Variants in TNRC6A observed in about 807,000 individuals in gnomAD.
The protein encoded by TNRC6A is trinucleotide repeat containing adaptor 6A.
TNRC6A carries 44 observed loss-of-function variants against 221.2 expected under a neutral mutation model. The ratio of observed to expected loss-of-function variants is 0.20; its 90% CI spans 0.16 to 0.26. The LOEUF is 0.26. Ranked by LOEUF, TNRC6A falls within the 10% of genes least tolerant of loss-of-function variation. The probability of loss-of-function intolerance (pLI) is 1.00; values close to 1 mark genes in which losing one functional copy is unlikely to be tolerated. For synonymous variants in TNRC6A, 847 were observed against 838.5 expected, an observed-to-expected ratio of 1.01 and a Z score of -0.18; for missense variants, 2,199 against 2,404.4, an observed-to-expected ratio of 0.91 and a Z score of 1.79.
At chr16:24,620,732 G>A (rs927946506) in intron 1 of TNRC6A, among the ~76,000 whole-genome samples, 8 of 151,938 alleles carry the variant, frequency 5.3e-5, no homozygotes, top group South Asian at 4.2e-4. Context: ...CACTTGAACC[G>A]GGGAGGCAGA....
chr16:24,790,810 G>A lies in TNRC6A; in HGVS notation c.2168G>A (p.Trp723Ter), dbSNP rs766537301. 1 of 1,614,124 alleles carries A rather than the reference G, an allele frequency of 6.2e-7. No individual in the cohort carries two copies. Among genetic ancestry groups the A allele is most frequent in the Non-Finnish European group, 8.5e-7 (1 of 1,180,028 alleles). ...LDPRVLSNSG[W>*]GQTPIKQNTA... ...CCACGTGTCCTGTCCAACTCTGGTT[G>A]GGGACAGACTCCTATTAAGCAGAAT... Residue 723 changes from tryptophan to a stop codon, truncating the protein, a stop_gained, in exon 6 of 25, where the codon TGG becomes TAG. Coordinates refer to ENST00000395799, the MANE Select transcript of TNRC6A (RefSeq NM_014494.4). LOFTEE classifies it high-confidence loss of function.
intron 5 of TNRC6A, among the ~76,000 whole-genome samples, chr16:24,779,229 A>G (rs1187708069): frequency 6.6e-6 from 1 of 152,200 alleles, no homozygotes; most frequent in East Asian, 1.9e-4. Flanking sequence ...GAATTTTACT[A>G]GGGTGGACTG....
intron 11 of TNRC6A, among the ~76,000 whole-genome samples, chr16:24,799,641 C>T (rs1206941345): frequency 2.6e-5 from 4 of 152,146 alleles, no homozygotes; most frequent in African/African-American, 9.7e-5. Flanking sequence ...TTAACACATC[C>T]ATATGAGAAA....
At chr16:24,667,387 C>A (rs2055194816) in intron 2 of TNRC6A, among the ~76,000 whole-genome samples, 1 of 152,222 alleles carries the variant, frequency 6.6e-6, no homozygotes, top group Non-Finnish European at 1.5e-5. Flanking sequence ...AGGAAACTGA[C>A]AAGGCCTCTT....
chr16:24,630,024 T>A (rs1369639651), intron 1 of TNRC6A, among the ~76,000 whole-genome samples: 1 of 152,072 alleles, frequency 6.6e-6, no homozygotes, highest in Admixed American at 6.6e-5. Context: ...CATTTTTAAG[T>A]GTCCTACATA....
At chr16:24,812,980 A>ACC (rs199587465) in intron 18 of TNRC6A, among the ~76,000 whole-genome samples, 2 of 142,918 alleles carry the variant, frequency 1.4e-5, no homozygotes, top group African/African-American at 5.3e-5. Context: ...GACTCAGATG[A>ACC]CCCCCCCACC....
chr16:24,746,389 G>A (rs1402435168), intron 2 of TNRC6A, among the ~76,000 whole-genome samples: 1 of 152,162 alleles, frequency 6.6e-6, no homozygotes, highest in Admixed American at 6.5e-5. Context: ...CCAGCTCGGG[G>A]CAACTGAGTG....
upstream of TNRC6A, among the ~76,000 whole-genome samples, chr16:24,726,435 G>C (rs1382348367): frequency 6.6e-6 from 1 of 151,192 alleles, no homozygotes; most frequent in Non-Finnish European, 1.5e-5. Context: ...GCCTAGCAAA[G>C]AGATTCTCTT....
intron 2 of TNRC6A, among the ~76,000 whole-genome samples, chr16:24,694,383 C>T (rs1440191881): frequency 6.6e-6 from 1 of 152,054 alleles, no homozygotes; most frequent in African/African-American, 2.4e-5. Flanking sequence ...TTGCTGGGCG[C>T]GGTGGCTCAC....
intron 3 of TNRC6A, among the ~76,000 whole-genome samples, chr16:24,754,211 T>G (rs541599828): frequency 6.6e-6 from 1 of 152,308 alleles, no homozygotes; most frequent in South Asian, 2.1e-4. Context: ...AAAAGCCAGA[T>G]AACACAACTT....
At chr16:24,687,878 A>AAGAAGAAGAAGAAGAAGAAGC (rs1567357134) in intron 2 of TNRC6A, among the ~76,000 whole-genome samples, 1 of 150,046 alleles carries the variant, frequency 6.7e-6, no homozygotes. Context: ...GAAGAAGAAG[A>AAGAAGAAGAAGAAGAAGAAGC]AGAAGCAGCT....
intron 22 of TNRC6A, among the ~76,000 whole-genome samples, chr16:24,821,276 G>A (rs868067869): frequency 7.2e-5 from 11 of 152,308 alleles, no homozygotes; most frequent in East Asian, 1.9e-4. Flanking sequence ...AGCACACAGC[G>A]AGGGGCGCTA....
chr16:24,669,149 G>T (rs2141981082), intron 2 of TNRC6A, among the ~76,000 whole-genome samples: 1 of 152,182 alleles, frequency 6.6e-6, no homozygotes, highest in African/African-American at 2.4e-5. Context: ...AAAATAGAGA[G>T]GGGAAACTTG....
chr16:24,737,413 T>C (rs1188466631), intron 2 of TNRC6A, among the ~76,000 whole-genome samples: 3 of 152,236 alleles, frequency 2.0e-5, no homozygotes. Context: ...CTATTTAAGA[T>C]GTCTTATTTT....
At chr16:24,788,680 G>A (rs570365911) in intron 5 of TNRC6A, among the ~76,000 whole-genome samples, 217 of 137,852 alleles carry the variant, frequency 1.6e-3, no homozygotes, top group African/African-American at 5.7e-3. Flanking sequence ...ACGGAGTCTC[G>A]CTCTGTCACC....
rs1205695830 is a variant in TNRC6A at position 24,790,529 on chromosome 16, T to C, written c.1887T>C (p.Ser629=). The part of the protein sequence containing the change: ...KLPSNQHSND[S]ANGNGKTFTN... ...CTAGCAATCAGCATTCCAATGATAG[T>C]GCAAATGGCAATGGTAAGACGTTTA... Residue 629 remains serine (S), a synonymous_variant, in exon 6 of 25, where the codon AGT becomes AGC. Coordinates refer to ENST00000395799, the MANE Select transcript of TNRC6A (RefSeq NM_014494.4). 4 of 1,614,100 alleles carry C rather than the reference T, an allele frequency of 2.5e-6. No individual in the cohort carries two copies. The highest frequency in any genetic ancestry group is 3.4e-6 in the Non-Finnish European group (4 of 1,180,048).
chr16:24,675,690 CTCTCTCTCTCTCTATATATATATATA>C lies in TNRC6A; in HGVS notation n.402+34683_402+34708del, dbSNP rs1383272168. Among the ~76,000 whole-genome samples, 724 of 86,992 alleles carry C rather than the reference CTCTCTCTCTCTCTATATATATATATA, an allele frequency of 8.3e-3. 4 individuals are homozygous for C. Among genetic ancestry groups the C allele is most frequent in the Non-Finnish European group, 0.012 (536 of 45,172 alleles). 57.1% of individuals were successfully genotyped at this position (86,992 alleles called of 152,430 possible). A position where few individuals can be genotyped will look rare whatever the true frequency, so the allele number is the denominator to read the frequency against. Reference sequence around the variant, plus strand: ...TCTCTCTCTCTCTCTCTCTCTCTCTCTCTCTCTCTCTCTATATATATATATATATATATATATATATATATATATAT... The same window carrying C: ...TCTCTCTCTCTCTCTCTCTCTCTCTCTATATATATATATATATATATATAT... On this transcript the variant is annotated intron_variant and non_coding_transcript_variant, in intron 2 of 2. Transcript: ENST00000566108.
At position 24,699,442 on chromosome 16, in the gene TNRC6A, G is replaced by A. The variant is rs369015845; in HGVS notation, n.403-51284G>A. Among the ~76,000 whole-genome samples the A allele has an allele frequency of 2.0e-5, 3 of 152,264 alleles. No individual in the cohort carries two copies. In the East Asian group the frequency reaches 5.8e-4, roughly 29 times the overall value. ...TGAGTAAAATGTGCTCTTAGACCAG[G>A]CACGATGTCTCACACCTGTAATGCC... On this transcript the variant is annotated intron_variant and non_coding_transcript_variant, in intron 2 of 2. Transcript: ENST00000566108.
chr16:24,821,975 A>T, intron 22 of TNRC6A, 102 bp from the exon 23 acceptor site: 1 of 1,097,192 alleles, frequency 9.1e-7, no homozygotes, highest in Non-Finnish European at 1.4e-6. Context: ...GTAGAAGTGC[A>T]AGGAAGTGAA....
Sources: gnomAD v4.1 joint callset for allele counts (sites outside exome capture counted in the v4.1 genomes callset) on GRCh38, gnomAD v4.1.1 for gene constraint, MANE v1.5 for transcripts, NCBI Gene and HGNC (gene_info 2026-07-23, HGNC 2026-07-21) for gene names.